Variants in TRIM6 observed in about 807,000 individuals in gnomAD.
TRIM6 encodes the protein tripartite motif-containing protein 6.
A neutral mutation model predicts 51.2 loss-of-function variants in TRIM6; 43 were observed. That is an observed-to-expected ratio of 0.84 (90% CI 0.66 to 1.08). TRIM6 has a LOEUF of 1.08. Ranked by LOEUF, TRIM6 falls within the 50% of genes least tolerant of loss-of-function variation. TRIM6 has a pLI of 0.00. For missense variants in TRIM6, 669 were observed against 619.0 expected (o/e 1.08, Z -0.86); for synonymous variants, 215 against 232.4 (o/e 0.93, Z 0.68).
rs1847484177 is a variant in TRIM6, at chr11:5,596,684, C to G, written c.-214C>G. On this transcript the variant is annotated 5_prime_UTR_variant, in exon 1 of 8. Coordinates refer to ENST00000380097, the MANE Select transcript of TRIM6 (RefSeq NM_001003818.3). ...TTCCGCAAACTCCTGACCTGTGGGTCCGTCCGTTCAACGGCCAAAGGCTGG... is the reference window on the plus strand; with the variant it reads ...TTCCGCAAACTCCTGACCTGTGGGTGCGTCCGTTCAACGGCCAAAGGCTGG... The G allele has an allele frequency of 1.5e-6, 1 of 677,698 alleles. No individual in the cohort carries two copies. The highest frequency in any genetic ancestry group is 2.5e-6 in the Non-Finnish European group (1 of 407,082). 42.0% of individuals were successfully genotyped at this position (677,698 alleles called of 1,614,324 possible). A position where few individuals can be genotyped will look rare whatever the true frequency, so the allele number is the denominator to read the frequency against.
intron 2 of TRIM6, among the ~76,000 whole-genome samples, chr11:5,604,064 C>T (rs1392439485): frequency 2.0e-5 from 3 of 151,990 alleles, no homozygotes; most frequent in Admixed American, 1.3e-4. Flanking sequence ...GGTGCGATCC[C>T]GGCTCACTGC....
intron 7 of TRIM6, 58 bp downstream of exon 7, chr11:5,610,619 C>T: frequency 6.3e-7 from 1 of 1,590,850 alleles, no homozygotes; most frequent in Non-Finnish European, 8.6e-7. Context: ...TTCACATGCC[C>T]TCCCCAGACA....
intron 4 of TRIM6, among the ~76,000 whole-genome samples, chr11:5,606,380 G>C (rs149860271): frequency 8.1e-4 from 124 of 152,302 alleles, no homozygotes; most frequent in African/African-American, 2.8e-3. Context: ...TTTCTGCATA[G>C]AATGAATAGT....
intron 1 of TRIM6, among the ~76,000 whole-genome samples, chr11:5,599,205 T>G (rs1244767174): frequency 6.6e-6 from 1 of 152,208 alleles, no homozygotes; most frequent in African/African-American, 2.4e-5. Flanking sequence ...AGTGATGTCA[T>G]GGATTCTTTT....
intron 6 of TRIM6, 101 bp downstream of exon 6, chr11:5,610,346 G>C: frequency 6.3e-7 from 1 of 1,582,678 alleles, no homozygotes; most frequent in Admixed American, 1.7e-5. Context: ...TAGTGGCAAA[G>C]AGGGAGGTCC....
chr11:5,609,740 A>G (rs757835756), intron 5 of TRIM6, among the ~76,000 whole-genome samples: 22 of 152,072 alleles, frequency 1.4e-4, no homozygotes, highest in Admixed American at 3.9e-4. Flanking sequence ...GGCTAACATG[A>G]TGAAACCCTA....
rs377692198 is a variant in TRIM6, at chr11:5,610,288, T to C, written c.958+43T>C. ...AAAGAGTTTGGATGTGAAATTACTGTCGTGGGAAGAAATAAACGGGATAGA... is the reference window on the plus strand; with the variant it reads ...AAAGAGTTTGGATGTGAAATTACTGCCGTGGGAAGAAATAAACGGGATAGA... On this transcript the variant is annotated intron_variant, in intron 6 of 7. Coordinates refer to ENST00000380097, the MANE Select transcript of TRIM6 (RefSeq NM_001003818.3). 760 of 1,613,002 alleles carry C rather than the reference T, an allele frequency of 4.7e-4. 3 individuals carry two copies. The highest frequency in any genetic ancestry group is 3.0e-3 in the Middle Eastern group (18 of 6,060).
intron 5 of TRIM6, among the ~76,000 whole-genome samples, chr11:5,608,826 A>G (rs1294116215): frequency 7.0e-6 from 1 of 142,576 alleles, no homozygotes; most frequent in African/African-American, 2.7e-5. Context: ...CAAAATACAC[A>G]GGAATTTTCT....
rs192376845 is a variant in TRIM6 at position 5,605,789 on chromosome 11, G to T, written c.834+222G>T. Among the ~76,000 whole-genome samples, 14 of 152,312 alleles carry T rather than the reference G, an allele frequency of 9.2e-5. No homozygotes were observed. The East Asian group carries it at 2.7e-3, about 29-fold the overall frequency. On this transcript the variant is annotated intron_variant, in intron 4 of 7. Coordinates refer to ENST00000380097, the MANE Select transcript of TRIM6 (RefSeq NM_001003818.3). ...GAAAGTCCCATTTTTATTTATAAAGGGTTGTCTAAAAGTTTATTTGATGCT... is the reference window on the plus strand; with the variant it reads ...GAAAGTCCCATTTTTATTTATAAAGTGTTGTCTAAAAGTTTATTTGATGCT...
rs894383131 is a variant in TRIM6, at chr11:5,605,651, A to T, written c.834+84A>T. ...TTCCTTTCTGGGACATCAGACTACC[A>T]TCGTTGCAGGGACAAGAGAAAACAT... On this transcript the variant is annotated intron_variant, in intron 4 of 7. Transcript: ENST00000380097. 2.5e-5 allele frequency: 36 copies of T among 1,461,176 alleles called. No individual in the cohort carries two copies. In the East Asian group the frequency reaches 8.3e-4, roughly 34 times the overall value. 90.5% of individuals were successfully genotyped at this position (1,461,176 alleles called of 1,614,324 possible). A position where few individuals can be genotyped will look rare whatever the true frequency, so the allele number is the denominator to read the frequency against.
At chr11:5,602,157 T>C (rs559324036) in intron 1 of TRIM6, among the ~76,000 whole-genome samples, 2 of 152,256 alleles carry the variant, frequency 1.3e-5, no homozygotes, top group African/African-American at 4.8e-5. Flanking sequence ...AGAAGTAAAA[T>C]AGACCGGGTG....
At position 5,603,634 on chromosome 11, in the gene TRIM6, T is replaced by C; in HGVS notation, c.406T>C (p.Cys136Arg). ...CCATGGAGAAAAACTGCAGCTCTTC[T>C]GTCAGGAGGATGGGAAGGTCATTTG... ...ADHGEKLQLF[C>R]QEDGKVICWL... The change falls in exon 2 of 8, where the codon TGT becomes CGT. Residue 136 changes from cysteine (C) to arginine (R), a missense_variant. Transcript: ENST00000380097. The C allele has an allele frequency of 1.2e-6, 2 of 1,613,676 alleles. No homozygotes were observed. The highest frequency in any genetic ancestry group is 1.7e-6 in the Non-Finnish European group (2 of 1,179,964).
At chr11:5,607,767 T>G (rs1477457541) in intron 4 of TRIM6, among the ~76,000 whole-genome samples, 1 of 152,130 alleles carries the variant, frequency 6.6e-6, no homozygotes, top group South Asian at 2.1e-4. Context: ...GAGACAAGAG[T>G]TGCCGAACTA....
At chr11:5,610,041 AAGG>A in intron 5 of TRIM6, 101 bp from the exon 6 acceptor site, 1 of 1,193,456 alleles carries the variant, frequency 8.4e-7, no homozygotes. Flanking sequence ...TGTATTCAGA[AAGG>A]AGGATTGGAA....
At chr11:5,604,164 G>T (rs925880664) in intron 2 of TRIM6, among the ~76,000 whole-genome samples, 1 of 145,406 alleles carries the variant, frequency 6.9e-6, no homozygotes, top group Non-Finnish European at 1.6e-5. Context: ...CCAGCTAATT[G>T]TGTGTGTGTG....
At chr11:5,602,330 C>A (rs1443435817) in intron 1 of TRIM6, among the ~76,000 whole-genome samples, 10 of 152,190 alleles carry the variant, frequency 6.6e-5, no homozygotes, top group Non-Finnish European at 1.2e-4. Context: ...GTAATCCCAG[C>A]TACTCGGGAG....
intron 4 of TRIM6, among the ~76,000 whole-genome samples, chr11:5,607,785 T>G (rs1290670558): frequency 6.6e-6 from 1 of 152,206 alleles, no homozygotes; most frequent in Non-Finnish European, 1.5e-5. Context: ...CTAAGTTCTT[T>G]TAAACATCTT....
intron 5 of TRIM6, 37 bp downstream of exon 5, chr11:5,608,431 C>T (rs1299208491): frequency 7.4e-6 from 12 of 1,611,734 alleles, no homozygotes; most frequent in Non-Finnish European, 1.0e-5. Context: ...TTCCCCTGGA[C>T]TGACAAATGA....
In TRIM6 at chr11:5,611,210, C is replaced by T. The variant is rs144271504; in HGVS notation, c.1419C>T (p.Ser473=). 6.2e-7 allele frequency: 1 copy of T among 1,614,068 alleles called. No individual in the cohort carries two copies. Among genetic ancestry groups the T allele is most frequent in the African/African-American group, 1.3e-5 (1 of 75,016 alleles). ...TAGATTATGAGGCTGGTACTGTCTC[C>T]TTTTATAATGTCACAAACCATGGCT... ...VFLDYEAGTV[S]FYNVTNHGFP... Residue 473 remains serine (S), a synonymous_variant, in exon 8 of 8, where the codon TCC becomes TCT. Coordinates refer to ENST00000380097, the MANE Select transcript of TRIM6 (RefSeq NM_001003818.3).
Sources: allele counts gnomAD v4.1 joint callset (sites outside exome capture counted in the v4.1 genomes callset), GRCh38; gene constraint gnomAD v4.1.1; transcripts MANE v1.5; gene names NCBI Gene and HGNC (gene_info 2026-07-23, HGNC 2026-07-21).